Variants in WWOX observed in about 807,000 individuals in gnomAD.
WWOX encodes WW domain-containing oxidoreductase.
In WWOX, 69 loss-of-function variants were observed where a neutral mutation model predicts 46.2. That is an observed-to-expected ratio of 1.49 (90% CI 1.23 to 1.82). The LOEUF (loss-of-function observed/expected upper bound fraction) is 1.82, where lower values mean the gene tolerates loss of function less well. WWOX is among the 40% of genes most tolerant of loss of function. The probability of loss-of-function intolerance (pLI) is 0.00; values close to 1 mark genes in which losing one functional copy is unlikely to be tolerated. For synonymous variants in WWOX, 359 were observed against 202.6 expected, an observed-to-expected ratio of 1.77 and a Z score of -6.56; for missense variants, 919 against 542.6, an observed-to-expected ratio of 1.69 and a Z score of -6.89.
At chr16:79,024,191 C>T (rs1327766841) in intron 8 of WWOX, among the ~76,000 whole-genome samples, 1 of 152,128 alleles carries the variant, frequency 6.6e-6, no homozygotes, top group East Asian at 1.9e-4. Flanking sequence ...GATGGTTGTA[C>T]AACCTTGTAA....
chr16:78,103,744 G>A (rs2031952977), intron 1 of WWOX, among the ~76,000 whole-genome samples: 1 of 152,094 alleles, frequency 6.6e-6, no homozygotes, highest in Admixed American at 6.5e-5. Flanking sequence ...TGCTCTTTGA[G>A]TCATTTCTTT....
chr16:78,238,894 C>T (rs140253020), intron 5 of WWOX, among the ~76,000 whole-genome samples: 1 of 152,034 alleles, frequency 6.6e-6, no homozygotes, highest in African/African-American at 2.4e-5. Flanking sequence ...GCTGGGATTA[C>T]AGTACCTGGC....
At chr16:78,136,459 A>C (rs2033793574) in intron 4 of WWOX, among the ~76,000 whole-genome samples, 1 of 152,136 alleles carries the variant, frequency 6.6e-6, no homozygotes, top group South Asian at 2.1e-4. Flanking sequence ...TTTAGACCTT[A>C]CTGGATCTAG....
intron 8 of WWOX, among the ~76,000 whole-genome samples, chr16:78,790,062 A>T (rs907005688): frequency 1.4e-4 from 22 of 152,360 alleles, no homozygotes; most frequent in African/African-American, 4.6e-4. Context: ...CTCTTAGTAT[A>T]ACACCTTGCA....
At chr16:78,755,034 A>G (rs1323838690) in intron 8 of WWOX, among the ~76,000 whole-genome samples, 1 of 109,944 alleles carries the variant, frequency 9.1e-6, no homozygotes, top group African/African-American at 3.5e-5. Flanking sequence ...AACATCACAC[A>G]CCGGGGCCTG....
intron 8 of WWOX, among the ~76,000 whole-genome samples, chr16:78,516,806 TAAGAG>T (rs2151492982): frequency 6.6e-6 from 1 of 152,338 alleles, no homozygotes; most frequent in African/African-American, 2.4e-5. Context: ...TGAAAACTAC[TAAGAG>T]AAGAGAGGTG....
intron 8 of WWOX, among the ~76,000 whole-genome samples, chr16:78,793,356 A>T (rs1196157701): frequency 6.6e-6 from 1 of 152,168 alleles, no homozygotes; most frequent in African/African-American, 2.4e-5. Context: ...TCACCATGCC[A>T]GGCCCCTGCC....
At chr16:78,284,207 C>T (rs79697483) in intron 5 of WWOX, among the ~76,000 whole-genome samples, 1,862 of 152,258 alleles carry the variant, frequency 0.012, 23 homozygotes, top group Non-Finnish European at 0.021. Flanking sequence ...TCCTCTTCTT[C>T]GGGAGCCAAG....
intron 8 of WWOX, among the ~76,000 whole-genome samples, chr16:79,129,839 G>A (rs907533263): frequency 6.6e-6 from 1 of 152,158 alleles, no homozygotes; most frequent in African/African-American, 2.4e-5. Flanking sequence ...GTGACAGCCT[G>A]GGTCAAATTG....
intron 8 of WWOX, among the ~76,000 whole-genome samples, chr16:78,547,806 C>A (rs1404909653): frequency 6.6e-6 from 1 of 152,052 alleles, no homozygotes. Context: ...GCCTCAATGA[C>A]CTAATCACCT....
intron 5 of WWOX, among the ~76,000 whole-genome samples, chr16:78,210,031 C>G (rs2036508611): frequency 6.6e-6 from 1 of 150,388 alleles, no homozygotes; most frequent in African/African-American, 2.4e-5. Context: ...CGAGAAAAGC[C>G]AAAAAGAAAA....
chr16:78,906,414 C>A (rs1452828767), intron 8 of WWOX, among the ~76,000 whole-genome samples: 1 of 152,058 alleles, frequency 6.6e-6, no homozygotes, highest in Non-Finnish European at 1.5e-5. Flanking sequence ...TACTTTCCCT[C>A]CCCAACCCTC....
intron 4 of WWOX, among the ~76,000 whole-genome samples, chr16:78,139,972 C>G (rs963325467): frequency 6.6e-6 from 1 of 152,058 alleles, no homozygotes; most frequent in South Asian, 2.1e-4. Context: ...AAGGGCGTCC[C>G]ATAAGTTTTG....
chr16:78,462,116 G>C (rs1041960332), intron 8 of WWOX, among the ~76,000 whole-genome samples: 9 of 152,206 alleles, frequency 5.9e-5, no homozygotes, highest in African/African-American at 2.2e-4. Context: ...TTGAAGGCAG[G>C]CTTAACAAGT....
intron 6 of WWOX, among the ~76,000 whole-genome samples, chr16:78,396,090 C>T (rs1208840901): frequency 1.3e-5 from 2 of 152,190 alleles, no homozygotes; most frequent in African/African-American, 4.8e-5. Flanking sequence ...ATCATTTATT[C>T]AGCAGTCACA....
intron 6 of WWOX, among the ~76,000 whole-genome samples, chr16:78,415,863 C>T (rs888608013): frequency 8.5e-5 from 13 of 152,276 alleles, no homozygotes; most frequent in East Asian, 1.9e-4. Flanking sequence ...TGTCCTCTGG[C>T]CCAGAAGGAA....
intron 5 of WWOX, among the ~76,000 whole-genome samples, chr16:78,286,600 T>C (rs894665359): frequency 1.2e-4 from 19 of 152,262 alleles, no homozygotes; most frequent in Admixed American, 8.5e-4. Flanking sequence ...ATTTTTTTTT[T>C]CCCCTAAGAA....
At chr16:78,971,448 CAAAAAAAA>C (rs71140852) in intron 8 of WWOX, among the ~76,000 whole-genome samples, 65,993 of 111,894 alleles carry the variant, frequency 0.59, 17,215 homozygotes, top group South Asian at 0.64. Flanking sequence ...GACTCTGTGT[CAAAAAAAA>C]AAAAAAAAAA....
intron 8 of WWOX, among the ~76,000 whole-genome samples, chr16:78,497,249 C>G (rs1359819894): frequency 2.0e-5 from 3 of 152,120 alleles, no homozygotes; most frequent in Non-Finnish European, 4.4e-5. Flanking sequence ...TGCTCTGATT[C>G]TAGCTTTTCC....
Sources: allele counts gnomAD v4.1 joint callset (sites outside exome capture counted in the v4.1 genomes callset), GRCh38; gene constraint gnomAD v4.1.1; transcripts MANE v1.5; gene names NCBI Gene and HGNC (gene_info 2026-07-23, HGNC 2026-07-21).